The following SLC6A2 variants were observed in gnomAD, a reference collection of about 807,000 sequenced individuals.
The protein encoded by SLC6A2 is sodium-dependent noradrenaline transporter.
SLC6A2 carries 26 observed loss-of-function variants against 71.7 expected under a neutral mutation model. That is an observed-to-expected ratio of 0.36 (90% CI 0.27 to 0.50). The LOEUF (loss-of-function observed/expected upper bound fraction) is 0.50, where lower values mean the gene tolerates loss of function less well. Ranked by LOEUF, SLC6A2 falls within the 20% of genes least tolerant of loss-of-function variation. SLC6A2 has a pLI of 0.96. For synonymous variants in SLC6A2, 363 were observed against 337.9 expected (o/e 1.07, Z -0.82); for missense variants, 581 against 803.9 (o/e 0.72, Z 3.35).
At chr16:55,696,747 T>C (rs1965811762) in intron 9 of SLC6A2, among the ~76,000 whole-genome samples, 1 of 152,138 alleles carries the variant, frequency 6.6e-6, no homozygotes, top group Admixed American at 6.5e-5. Context: ...TGTGGAAGGC[T>C]GAGGTGGAAG....
Position 55,675,300 on chromosome 16 carries a change from C to T in SLC6A2, c.644+3125C>T, listed in dbSNP as rs151140771. 9.2e-5 allele frequency among the ~76,000 whole-genome samples: 14 copies of T among 152,332 alleles called. No individual in the cohort carries two copies. In the East Asian group the frequency reaches 2.7e-3, roughly 29 times the overall value. On this transcript the variant is annotated intron_variant, in intron 4 of 14. Coordinates refer to ENST00000568943, the MANE Select transcript of SLC6A2 (RefSeq NM_001172501.3). Reference sequence around the variant, plus strand: ...GCAGGTAAGCAGAAAGTACCTGATACAACTTGTGGGGCAGACAGGATAGAT... The same window carrying T: ...GCAGGTAAGCAGAAAGTACCTGATATAACTTGTGGGGCAGACAGGATAGAT...
Position 55,702,595 on chromosome 16 carries a change from T to A in SLC6A2, c.*249T>A. Reference sequence around the variant, plus strand: ...AAAATGACTTCTGTTCTGTCCCCGCTGTTTTGGGGGAAGTCTCTCCCACTT... The same window carrying A: ...AAAATGACTTCTGTTCTGTCCCCGCAGTTTTGGGGGAAGTCTCTCCCACTT... On this transcript the variant is annotated 3_prime_UTR_variant, in exon 15 of 15. Coordinates refer to ENST00000568943, the MANE Select transcript of SLC6A2 (RefSeq NM_001172501.3). 1 of 1,411,618 alleles carries A rather than the reference T, an allele frequency of 7.1e-7. No homozygotes were observed. Among genetic ancestry groups the A allele is most frequent in the South Asian group, 1.5e-5 (1 of 66,382 alleles). 87.4% of individuals were successfully genotyped at this position (1,411,618 alleles called of 1,614,324 possible).
At chr16:55,673,510 A>G (rs1183452590) in intron 4 of SLC6A2, among the ~76,000 whole-genome samples, 5 of 152,162 alleles carry the variant, frequency 3.3e-5, no homozygotes. Flanking sequence ...GACTATTACC[A>G]TGATGTTTAT....
At chr16:55,666,302 G>A (rs1305203861) in intron 2 of SLC6A2, among the ~76,000 whole-genome samples, 1 of 152,172 alleles carries the variant, frequency 6.6e-6, no homozygotes, top group South Asian at 2.1e-4. Flanking sequence ...CTTTTTAGGG[G>A]GTTTGCAACC....
At chr16:55,685,313 T>C in intron 5 of SLC6A2, 32 bp downstream of exon 5, 1 of 1,607,686 alleles carries the variant, frequency 6.2e-7, no homozygotes, top group African/African-American at 1.3e-5. Flanking sequence ...TTCACTTACT[T>C]GGGTGATCAA....
chr16:55,685,076 TG>T, intron 4 of SLC6A2, 66 bp from the exon 5 acceptor site: 1 of 1,517,924 alleles, frequency 6.6e-7, no homozygotes. Context: ...GACTGGTCTG[TG>T]GTCACGGCCT....
rs902156190 is a variant in SLC6A2, at chr16:55,702,610, C to G, written c.*264C>G. ...CTGTCCCCGCTGTTTTGGGGGAAGT[C>G]TCTCCCACTTTGGGATCCTGCTGAA... is the stretch of plus-strand genomic sequence containing the variant. On this transcript the variant is annotated 3_prime_UTR_variant, in exon 15 of 15. Coordinates refer to ENST00000568943, the MANE Select transcript of SLC6A2 (RefSeq NM_001172501.3). 13 of 1,398,742 alleles carry G rather than the reference C, an allele frequency of 9.3e-6. No individual in the cohort carries two copies. The African/African-American group carries it at 1.9e-4, about 20-fold the overall frequency. The allele number at this position is 1,398,742 out of a possible 1,614,324, so 86.6% of individuals were successfully genotyped here.
chr16:55,660,775 C>T (rs34144567), intron 2 of SLC6A2, among the ~76,000 whole-genome samples: 13,515 of 152,234 alleles, frequency 0.089, 755 homozygotes, highest in Non-Finnish European at 0.12. Context: ...AGCCAGGACT[C>T]ACCCGGTCTG....
At chr16:55,685,665 G>T (rs568597042) in intron 5 of SLC6A2, among the ~76,000 whole-genome samples, 29 of 152,276 alleles carry the variant, frequency 1.9e-4, no homozygotes, top group African/African-American at 7.0e-4. Context: ...TGCAAATGTT[G>T]CATCCTACTC....
intron 4 of SLC6A2, among the ~76,000 whole-genome samples, chr16:55,679,574 C>CTTCTTT (rs1302877257): frequency 6.6e-6 from 1 of 152,240 alleles, no homozygotes. Flanking sequence ...ACCCTTTCCT[C>CTTCTTT]TTCTTTTTCT....
intron 2 of SLC6A2, among the ~76,000 whole-genome samples, chr16:55,667,013 ATT>A (rs57209545): frequency 2.3e-4 from 35 of 149,290 alleles, no homozygotes; most frequent in South Asian, 1.5e-3. Flanking sequence ...CTCTCTCTAA[ATT>A]TTTTTTTTTT....
At chr16:55,668,257 C>A (rs1223990321) in intron 2 of SLC6A2, among the ~76,000 whole-genome samples, 1 of 152,072 alleles carries the variant, frequency 6.6e-6, no homozygotes, top group African/African-American at 2.4e-5. Context: ...TGTGACTTTG[C>A]CACAGTTCTT....
At chr16:55,663,377 A>T (rs149201500) in intron 2 of SLC6A2, among the ~76,000 whole-genome samples, 21 of 152,284 alleles carry the variant, frequency 1.4e-4, no homozygotes, top group African/African-American at 4.8e-4. Flanking sequence ...CCCTCTTGCC[A>T]TGTGATCTCT....
chr16:55,682,959 G>C (rs924974113), intron 4 of SLC6A2, among the ~76,000 whole-genome samples: 5 of 152,216 alleles, frequency 3.3e-5, no homozygotes, highest in Non-Finnish European at 4.4e-5. Flanking sequence ...AGTCAGGACG[G>C]TGCACGAGCA....
At position 55,698,581 on chromosome 16, in the gene SLC6A2, G is replaced by A; in HGVS notation, c.1489+13G>A. On this transcript the variant is annotated intron_variant, in intron 11 of 14. Transcript: ENST00000568943. ...TCCTGGTTTTATGGTATGTGAGTGT[G>A]TGGAAAAGCCTCAGCTCCCAGTCCT... 3 of 1,577,764 alleles carry A rather than the reference G, an allele frequency of 1.9e-6. No individual in the cohort carries two copies. Among genetic ancestry groups the A allele is most frequent in the African/African-American group, 1.3e-5 (1 of 74,392 alleles).
At chr16:55,679,715 C>A (rs183448383) in intron 4 of SLC6A2, among the ~76,000 whole-genome samples, 2 of 152,234 alleles carry the variant, frequency 1.3e-5, no homozygotes, top group Admixed American at 6.5e-5. Context: ...ACAGAAGGTC[C>A]CAAGGCCCAG....
intron 13 of SLC6A2, among the ~76,000 whole-genome samples, chr16:55,700,787 T>C (rs36008): frequency 1.3e-5 from 2 of 152,150 alleles, no homozygotes; most frequent in Non-Finnish European, 2.9e-5. Context: ...TTCTGAACTA[T>C]TTCTTTCTAT....
chr16:55,682,803 G>A (rs1478107100), intron 4 of SLC6A2, among the ~76,000 whole-genome samples: 1 of 152,206 alleles, frequency 6.6e-6, no homozygotes, highest in Non-Finnish European at 1.5e-5. Context: ...TGTTGCCTCT[G>A]AGTGTGAGGC....
intron 5 of SLC6A2, among the ~76,000 whole-genome samples, chr16:55,689,548 T>C (rs1965551205): frequency 6.6e-6 from 1 of 152,166 alleles, no homozygotes; most frequent in African/African-American, 2.4e-5. Flanking sequence ...CCTGATTTGC[T>C]GGGCTGGGCA....
Sources: gnomAD v4.1 joint callset for allele counts (sites outside exome capture counted in the v4.1 genomes callset) on GRCh38, gnomAD v4.1.1 for gene constraint, MANE v1.5 for transcripts, NCBI Gene and HGNC (gene_info 2026-07-23, HGNC 2026-07-21) for gene names.